Variants in POMT1 observed in about 807,000 individuals in gnomAD.
POMT1 encodes protein O-mannosyltransferase 1.
A neutral mutation model predicts 101.6 loss-of-function variants in POMT1; 85 were observed. The observed-to-expected ratio is 0.84, with a 90% CI of 0.70 to 1.00. The LOEUF (loss-of-function observed/expected upper bound fraction) is 1.00, where lower values mean the gene tolerates loss of function less well. POMT1 is among the 50% of genes least tolerant of loss of function. POMT1 has a pLI of 0.00. For synonymous variants in POMT1, 371 were observed against 383.0 expected, an observed-to-expected ratio of 0.97 and a Z score of 0.37; for missense variants, 857 against 930.4, an observed-to-expected ratio of 0.92 and a Z score of 1.03.
At chr9:131,505,762 G>A (rs1397472381) in intron 2 of POMT1, among the ~76,000 whole-genome samples, 1 of 150,964 alleles carries the variant, frequency 6.6e-6, no homozygotes, top group Non-Finnish European at 1.5e-5. Context: ...GGGGGCGGGG[G>A]TGGGGGGGTT....
rs1206329285 is a variant in POMT1 at position 131,504,211 on chromosome 9, TC to T, written c.-7del. The T allele has an allele frequency of 1.2e-6, 2 of 1,613,988 alleles. No individual in the cohort carries two copies. Among genetic ancestry groups the T allele is most frequent in the African/African-American group, 2.7e-5 (2 of 74,924 alleles). On this transcript the variant is annotated 5_prime_UTR_variant, in exon 2 of 20. Transcript: ENST00000402686. ...TAGGGCGTCTGCCTGAGCCCGCTTT[TC>T]TACAAGATGTGGGGATTTTTGAAGC...
At chr9:131,510,575 T>C in intron 9 of POMT1, 160 bp downstream of exon 9, 2 of 1,025,788 alleles carry the variant, frequency 1.9e-6, no homozygotes, top group South Asian at 1.4e-5. Flanking sequence ...AGTCTTACTC[T>C]GTCACCCAAA....
chr9:131,521,488 A>G lies in POMT1; in HGVS notation c.1825+16A>G. The stretch of plus-strand genomic sequence containing the variant: ...CTCCCTCAGGGTTAGTACCTCTCCC[A>G]CATGGCTTTCTTTCTTTTTAATATA... On this transcript the variant is annotated intron_variant, in intron 18 of 19. Coordinates refer to ENST00000402686, the MANE Select transcript of POMT1 (RefSeq NM_001077365.2). The G allele has an allele frequency of 6.2e-7, 1 of 1,612,882 alleles. No homozygotes were observed. The highest frequency in any genetic ancestry group is 8.5e-7 in the Non-Finnish European group (1 of 1,179,220).
In POMT1 at chr9:131,521,325, G is replaced by C. The variant is rs139877188; in HGVS notation, c.1699-21G>C. 2.7e-5 allele frequency: 44 copies of C among 1,614,076 alleles called. No homozygotes were observed. The Middle Eastern group carries it at 6.6e-4, about 24-fold the overall frequency. ...CTGAGCAGAGGGCAGGTGGCTAACA[G>C]CATCTCCCATGTTCCCTTAGGCTCA... On this transcript the variant is annotated intron_variant, in intron 17 of 19. Transcript: ENST00000402686.
At chr9:131,510,121 C>T in intron 8 of POMT1, 125 bp downstream of exon 8, 1 of 1,612,314 alleles carries the variant, frequency 6.2e-7, no homozygotes, top group Non-Finnish European at 8.5e-7. Context: ...CCTGGGCAGC[C>T]TCGCCTCTTG....
rs776061161 is a variant in POMT1, at chr9:131,510,063, G to A, written c.699+67G>A. 22 of 1,613,984 alleles carry A rather than the reference G, an allele frequency of 1.4e-5. No homozygotes were observed. In the Middle Eastern group the frequency reaches 4.9e-4, roughly 36 times the overall value. On this transcript the variant is annotated intron_variant, in intron 8 of 19. Transcript: ENST00000402686. The stretch of plus-strand genomic sequence containing the variant: ...GGGGCAGATGCAGATGTCACAGGGG[G>A]TACTTGGTGAAAAGACTCCAATCCT...
At chr9:131,505,693 C>T (rs1564330448) in intron 2 of POMT1, among the ~76,000 whole-genome samples, 1 of 136,114 alleles carries the variant, frequency 7.3e-6, no homozygotes, top group Non-Finnish European at 1.5e-5. Flanking sequence ...CCACGTTTTC[C>T]TTTCATACTT....
chr9:131,510,624 C>T, intron 9 of POMT1: 1 of 667,604 alleles, frequency 1.5e-6, no homozygotes, highest in Middle Eastern at 4.2e-4. Flanking sequence ...CTACCTCAGC[C>T]TCCCAAGTAG....
chr9:131,504,216 A>C lies in POMT1; in HGVS notation c.-3A>C, dbSNP rs1226993208. On this transcript the variant is annotated 5_prime_UTR_variant, in exon 2 of 20. Coordinates refer to ENST00000402686, the MANE Select transcript of POMT1 (RefSeq NM_001077365.2). ...CGTCTGCCTGAGCCCGCTTTTCTAC[A>C]AGATGTGGGGATTTTTGAAGCGCCC... The C allele has an allele frequency of 6.2e-7, 1 of 1,613,960 alleles. No individual in the cohort carries two copies.
In POMT1 at chr9:131,522,030, C is replaced by T. The variant is rs377691462; in HGVS notation, c.1826-17C>T. ...TGGGAGCAGCAGAGTCGGTGTAGCTCGAGCCCTTTCCTATAGATGCCTGGC... is the reference window on the plus strand; with the variant it reads ...TGGGAGCAGCAGAGTCGGTGTAGCTTGAGCCCTTTCCTATAGATGCCTGGC... On this transcript the variant is annotated splice_polypyrimidine_tract_variant and intron_variant, in intron 18 of 19. Coordinates refer to ENST00000402686, the MANE Select transcript of POMT1 (RefSeq NM_001077365.2). This position sits in a 1 kb window ranked among gnomAD's most constrained non-coding sequence, Gnocchi z 5.5. 42 of 1,613,648 alleles carry T rather than the reference C, an allele frequency of 2.6e-5. No homozygotes were observed. In the African/African-American group the frequency reaches 2.9e-4, roughly 11 times the overall value.
rs1301030557 is a variant in POMT1 at position 131,510,610 on chromosome 9, TC to T, written c.855+196del. 8.3e-6 allele frequency: 6 copies of T among 725,608 alleles called. No individual in the cohort carries two copies. In the African/African-American group the frequency reaches 1.1e-4, roughly 13 times the overall value. 44.9% of individuals were successfully genotyped at this position (725,608 alleles called of 1,614,324 possible). A position where few individuals can be genotyped will look rare whatever the true frequency, so the allele number is the denominator to read the frequency against. ...ACTCCGCCTCCTGGCTTCAAGCGAT[TC>T]TCCTACCTCAGCCTCCCAAGTAGCT... On this transcript the variant is annotated intron_variant, in intron 9 of 19. Coordinates refer to ENST00000402686, the MANE Select transcript of POMT1 (RefSeq NM_001077365.2).
chr9:131,514,168 T>C (rs1947764581), intron 12 of POMT1, among the ~76,000 whole-genome samples: 2 of 152,088 alleles, frequency 1.3e-5, no homozygotes, highest in African/African-American at 4.8e-5. Context: ...CTCCCTCTAC[T>C]CCCACCTCCT....
chr9:131,517,814 C>T (rs1302205962), intron 13 of POMT1, among the ~76,000 whole-genome samples: 1 of 152,224 alleles, frequency 6.6e-6, no homozygotes, highest in East Asian at 1.9e-4. Flanking sequence ...AGGGAGCATG[C>T]GTGAGGTGTG....
At chr9:131,510,613 CCT>C in intron 9 of POMT1, 198 bp downstream of exon 9, 1 of 697,958 alleles carries the variant, frequency 1.4e-6, no homozygotes, top group Non-Finnish European at 2.4e-6. Flanking sequence ...AAGCGATTCT[CCT>C]ACCTCAGCCT....
chr9:131,520,165 T>A lies in POMT1; in HGVS notation c.1670T>A (p.Ile557Asn). 6.2e-7 allele frequency: 1 copy of A among 1,613,772 alleles called. No individual in the cohort carries two copies. Among genetic ancestry groups the A allele is most frequent in the Non-Finnish European group, 8.5e-7 (1 of 1,179,996 alleles). Residue 557 changes from isoleucine to asparagine, a missense_variant, in exon 17 of 20, where the codon ATT becomes AAT. Coordinates refer to ENST00000402686, the MANE Select transcript of POMT1 (RefSeq NM_001077365.2). ...PLEWVTLDTN[I>N]AYWLHPRTSA... ...GAGTGGGTCACCCTGGACACCAATA[T>A]TGCCTACTGGCTGCACCCCAGGACC...
intron 6 of POMT1, among the ~76,000 whole-genome samples, 200 bp from the exon 7 acceptor site, chr9:131,509,543 C>T (rs925556833): frequency 6.6e-6 from 1 of 152,170 alleles, no homozygotes; most frequent in African/African-American, 2.4e-5. Flanking sequence ...TTTAAACTAA[C>T]AGGACAACAT....
rs1950386451 is a variant in POMT1, at chr9:131,523,649, T to C, written c.*543T>C. ...TCTATGACAGCGTCAAGACTGGCCC[T>C]TGGCACCGTGCTGTGTGGAAACCCT... On this transcript the variant is annotated 3_prime_UTR_variant, in exon 20 of 20. Transcript: ENST00000402686. 1 of 184,732 alleles carries C rather than the reference T, an allele frequency of 5.4e-6. No individual in the cohort carries two copies. Among genetic ancestry groups the C allele is most frequent in the East Asian group, 1.3e-4 (1 of 7,726 alleles). 11.4% of individuals were successfully genotyped at this position (184,732 alleles called of 1,614,324 possible).
At chr9:131,509,146 A>C (rs1946527485) in intron 6 of POMT1, 124 bp downstream of exon 6, 4 of 725,954 alleles carry the variant, frequency 5.5e-6, no homozygotes, top group Non-Finnish European at 9.6e-6. Context: ...CATTTTGAGG[A>C]GTTGCTTGCT....
chr9:131,523,024 A>G lies in POMT1; in HGVS notation c.2096A>G (p.Tyr699Cys), dbSNP rs754444374. 3.7e-6 allele frequency: 6 copies of G among 1,610,706 alleles called. No homozygotes were observed. The Admixed American group carries it at 1.0e-4, about 27-fold the overall frequency. ...HVSNTLRPLT[Y>C]GDKSLSPHEL... ...TCCAACACGCTGCGCCCACTCACCT[A>G]CGGGGACAAGTCACTCTCGCCACAT... Residue 699 changes from tyrosine to cysteine, a missense_variant, in exon 20 of 20, where the codon TAC (tyrosine) becomes TGC (cysteine). Transcript: ENST00000402686.
Sources: allele counts gnomAD v4.1 joint callset (sites outside exome capture counted in the v4.1 genomes callset), GRCh38; gene constraint gnomAD v4.1.1; non-coding constraint Gnocchi (gnomAD v3.1); transcripts MANE v1.5; gene names NCBI Gene and HGNC (gene_info 2026-07-23, HGNC 2026-07-21).